Variants in KMT2C observed in about 807,000 individuals in gnomAD.
KMT2C encodes the protein lysine methyltransferase 2C.
A neutral mutation model predicts 507.9 loss-of-function variants in KMT2C; 88 were observed. The observed-to-expected ratio is 0.17, with a 90% confidence interval of 0.15 to 0.21. The LOEUF (loss-of-function observed/expected upper bound fraction) is 0.21, where lower values mean the gene tolerates loss of function less well. KMT2C is among the 10% of genes least tolerant of loss of function. The probability of loss-of-function intolerance (pLI) is 1.00; values close to 1 mark genes in which losing one functional copy is unlikely to be tolerated. For synonymous variants in KMT2C, 2,049 were observed against 2,080.8 expected (o/e 0.98, Z 0.42); for missense variants, 4,954 against 5,957.8 (o/e 0.83, Z 5.55).
chr7:152,336,951 C>A (rs1258638583), intron 2 of KMT2C, among the ~76,000 whole-genome samples: 1 of 151,550 alleles, frequency 6.6e-6, no homozygotes, highest in African/African-American at 2.4e-5. Flanking sequence ...TACGGATAAT[C>A]TCCATCCACT....
At chr7:152,263,213 T>C in intron 8 of KMT2C, 83 bp from the exon 9 acceptor site, 1 of 1,203,068 alleles carries the variant, frequency 8.3e-7, no homozygotes, top group Non-Finnish European at 1.2e-6. Context: ...TAATCAGTCC[T>C]GGGAACTGCA....
chr7:152,416,946 C>T lies in KMT2C; in HGVS notation c.161+18680G>A, dbSNP rs191400104. Reference sequence around the variant, plus strand: ...CGCCTGTAATCCCAGCTATTCAGGGCGCTGACACATGAGAATCCCTTGAAC... The same window carrying T: ...CGCCTGTAATCCCAGCTATTCAGGGTGCTGACACATGAGAATCCCTTGAAC... On this transcript the variant is annotated intron_variant, in intron 1 of 58. Coordinates refer to ENST00000262189, the MANE Select transcript of KMT2C (RefSeq NM_170606.3). Among the ~76,000 whole-genome samples the T allele has an allele frequency of 2.6e-4, 39 of 147,472 alleles. 2 individuals carry two copies. The highest frequency in any genetic ancestry group is 9.0e-4 in the African/African-American group (36 of 39,904).
intron 23 of KMT2C, among the ~76,000 whole-genome samples, chr7:152,208,397 A>T (rs1390962765): frequency 6.6e-6 from 1 of 152,254 alleles, no homozygotes; most frequent in Non-Finnish European, 1.5e-5. Flanking sequence ...AGATTATGTC[A>T]AACAGTTGTA....
Position 152,225,660 on chromosome 7 carries a change from T to C in KMT2C, c.2977-1044A>G, listed in dbSNP as rs184369610. 2.2e-3 allele frequency among the ~76,000 whole-genome samples: 337 copies of C among 152,204 alleles called. 3 individuals carry two copies. The highest frequency in any genetic ancestry group is 0.01 in the Middle Eastern group (3 of 294). On this transcript the variant is annotated intron_variant, in intron 18 of 58. Coordinates refer to ENST00000262189, the MANE Select transcript of KMT2C (RefSeq NM_170606.3). ...AAAGAATAGGAAGACTTGGGATCTATAAATCAACAGATCCAACAAAGGACA... is the reference window on the plus strand; with the variant it reads ...AAAGAATAGGAAGACTTGGGATCTACAAATCAACAGATCCAACAAAGGACA...
At position 152,256,913 on chromosome 7, in the gene KMT2C, A is replaced by C. The variant is rs188864124; in HGVS notation, c.1300-4198T>G. Among the ~76,000 whole-genome samples, 20 of 152,296 alleles carry C rather than the reference A, an allele frequency of 1.3e-4. No homozygotes were observed. The East Asian group carries it at 3.9e-3, about 29-fold the overall frequency. The stretch of plus-strand genomic sequence containing the variant: ...TCTCACACATCTCTGGTGGCAATGC[A>C]AAGTACCATAAGCCCCAAGAAAGGG... On this transcript the variant is annotated intron_variant, in intron 9 of 58. Transcript: ENST00000262189.
chr7:152,375,321 C>T (rs1004192365), intron 1 of KMT2C, among the ~76,000 whole-genome samples: 3 of 150,240 alleles, frequency 2.0e-5, no homozygotes, highest in South Asian at 2.1e-4. Context: ...GGATTACAGG[C>T]GTAAGCCACC....
intron 1 of KMT2C, among the ~76,000 whole-genome samples, chr7:152,418,228 C>T (rs879913106): frequency 3.3e-5 from 5 of 152,110 alleles, no homozygotes; most frequent in Admixed American, 6.6e-5. Flanking sequence ...GCGTGAGCCA[C>T]CATGCCCGGC....
At chr7:152,230,521 G>A (rs1393639481) in intron 16 of KMT2C, among the ~76,000 whole-genome samples, 200 bp from the exon 17 acceptor site, 1 of 152,130 alleles carries the variant, frequency 6.6e-6, no homozygotes, top group African/African-American at 2.4e-5. Context: ...CTCTTTAGAG[G>A]TAGAATTCCT....
chr7:152,200,310 A>C (rs1181734182), intron 26 of KMT2C, among the ~76,000 whole-genome samples: 1 of 152,234 alleles, frequency 6.6e-6, no homozygotes, highest in Non-Finnish European at 1.5e-5. Context: ...AGAACTATCC[A>C]AATTATAGAC....
Position 152,151,509 on chromosome 7 carries a change from T to C in KMT2C, c.12599A>G (p.His4200Arg). 2 of 1,614,156 alleles carry C rather than the reference T, an allele frequency of 1.2e-6. No individual in the cohort carries two copies. The highest frequency in any genetic ancestry group is 1.7e-6 in the Non-Finnish European group (2 of 1,179,970). Residue 4200 changes from histidine (H) to arginine (R), a missense_variant, in exon 50 of 59, where the codon CAT becomes CGT. His to Arg is a conservative substitution (Grantham distance 29). Transcript: ENST00000262189. ...SAALRPQWCC[H>R]CKVVILGSGV... The stretch of plus-strand genomic sequence containing the variant: ...ACTTCCAAGAATAACCACTTTACAA[T>C]GACAACACCACTGTGGTCTGAGTGC...
At position 152,158,927 on chromosome 7, in the gene KMT2C, T is replaced by C. The variant is rs1320110260; in HGVS notation, c.11606A>G (p.Lys3869Arg). The C allele has an allele frequency of 3.1e-6, 5 of 1,614,218 alleles. No individual in the cohort carries two copies. In the South Asian group the frequency reaches 4.4e-5, roughly 14 times the overall value. ...EKAAPRSKKR[K>R]KDEEEKQAMY... ...AGCTTGTTTCTCCTCTTCGTCCTTT[T>C]TCCTTTTCTTTGAGCGAGGTGCTGC... Residue 3869 changes from lysine (K) to arginine (R), a missense_variant, in exon 44 of 59, where the codon AAA becomes AGA. This residue lies in a region of KMT2C where 801 missense variants were observed against 751.2 expected (regional missense o/e 1.07). Coordinates refer to ENST00000262189, the MANE Select transcript of KMT2C (RefSeq NM_170606.3).
intron 26 of KMT2C, 82 bp from the exon 27 acceptor site, chr7:152,199,541 G>A (rs553720784): frequency 1.2e-6 from 1 of 825,664 alleles, no homozygotes; most frequent in East Asian, 2.9e-5. Flanking sequence ...TTTTGACAAG[G>A]AAGCAGAAAT....
In KMT2C at chr7:152,136,443, C is replaced by T. The variant is rs1042951474; in HGVS notation, c.*389G>A. ...CTTACATTCATAGGAAGGCCCCTGCCCGGGGCAGGGCAGCCATCGGCTCTT... is the reference window on the plus strand; with the variant it reads ...CTTACATTCATAGGAAGGCCCCTGCTCGGGGCAGGGCAGCCATCGGCTCTT... On this transcript the variant is annotated 3_prime_UTR_variant, in exon 59 of 59. Coordinates refer to ENST00000262189, the MANE Select transcript of KMT2C (RefSeq NM_170606.3). 4 of 249,460 alleles carry T rather than the reference C, an allele frequency of 1.6e-5. No homozygotes were observed. In the Admixed American group the frequency reaches 2.1e-4, roughly 13 times the overall value. The allele number at this position is 249,460 out of a possible 1,614,324, so 15.5% of individuals were successfully genotyped here.
At chr7:152,281,417 A>C (rs547140679) in intron 6 of KMT2C, among the ~76,000 whole-genome samples, 1 of 152,310 alleles carries the variant, frequency 6.6e-6, no homozygotes, top group South Asian at 2.1e-4. Flanking sequence ...AGCTAAGCCA[A>C]GTACTTTATA....
At chr7:152,381,726 CA>C (rs2097375736) in intron 1 of KMT2C, among the ~76,000 whole-genome samples, 1 of 152,028 alleles carries the variant, frequency 6.6e-6, no homozygotes. Context: ...CTTTTAGGAA[CA>C]AAGTTGTCTT....
intron 16 of KMT2C, among the ~76,000 whole-genome samples, chr7:152,232,601 TAAG>T (rs1396293998): frequency 2.0e-5 from 3 of 152,066 alleles, no homozygotes; most frequent in Admixed American, 1.3e-4. Flanking sequence ...AACAGGGAAA[TAAG>T]AAGGACTGAG....
chr7:152,175,815 C>T (rs781193114), intron 38 of KMT2C, among the ~76,000 whole-genome samples: 3 of 152,094 alleles, frequency 2.0e-5, no homozygotes, highest in African/African-American at 4.8e-5. Flanking sequence ...CCAAAGCAGG[C>T]GGATCACCTG....
rs201441813 is a variant in KMT2C at position 152,154,180 on chromosome 7, T to C, written c.12140-34A>G. ...AGAGAGAAAAAAAAGAGGAAAATAGTGTTAATGGATTTTCAAAATCAAAAT... is the reference window on the plus strand; with the variant it reads ...AGAGAGAAAAAAAAGAGGAAAATAGCGTTAATGGATTTTCAAAATCAAAAT... On this transcript the variant is annotated intron_variant, in intron 47 of 58. Coordinates refer to ENST00000262189, the MANE Select transcript of KMT2C (RefSeq NM_170606.3). The C allele has an allele frequency of 5.0e-6, 8 of 1,610,878 alleles. No homozygotes were observed. The Admixed American group carries it at 6.7e-5, about 14-fold the overall frequency.
Position 152,248,391 on chromosome 7 carries a change from T to G in KMT2C, c.2043A>C (p.Glu681Asp). 6.2e-7 allele frequency: 1 copy of G among 1,614,110 alleles called. No homozygotes were observed. The highest frequency in any genetic ancestry group is 8.5e-7 in the Non-Finnish European group (1 of 1,180,002). ...CCATGACTAATTTTGGAGGCCTTGATTCTTCTCTGGATACCACTGTTTCAG... is the reference window on the plus strand; with the variant it reads ...CCATGACTAATTTTGGAGGCCTTGAGTCTTCTCTGGATACCACTGTTTCAG... Reference protein sequence around the residue: ...EEPETVVSREESRPPKLVMES... With the variant: ...EEPETVVSREDSRPPKLVMES... Residue 681 changes from glutamate to aspartate, a missense_variant, in exon 14 of 59, where the codon GAA (glutamate) becomes GAC (aspartate). Transcript: ENST00000262189.
Sources: allele counts gnomAD v4.1 joint callset (sites outside exome capture counted in the v4.1 genomes callset), GRCh38; gene constraint gnomAD v4.1.1; regional missense constraint gnomAD v4.1.1; transcripts MANE v1.5; gene names NCBI Gene and HGNC (gene_info 2026-07-23, HGNC 2026-07-21).